Variants in FHIT observed in about 807,000 individuals in gnomAD.
FHIT encodes the protein bis(5'-adenosyl)-triphosphatase.
FHIT carries 19 observed loss-of-function variants against 17.9 expected under a neutral mutation model. The observed-to-expected ratio is 1.06, with a 90% CI of 0.74 to 1.56. The LOEUF is 1.56. FHIT is among the 40% of genes most tolerant of loss of function. The pLI, the probability that FHIT is intolerant of heterozygous loss-of-function variation, is 0.00. For synonymous variants in FHIT, 81 were observed against 69.7 expected (o/e 1.16, Z -0.81); for missense variants, 248 against 189.2 (o/e 1.31, Z -1.82).
At chr3:59,753,403 G>C (rs1384563136) in intron 8 of FHIT, among the ~76,000 whole-genome samples, 1 of 152,150 alleles carries the variant, frequency 6.6e-6, no homozygotes, top group Non-Finnish European at 1.5e-5. Flanking sequence ...TTTACATATA[G>C]AGTGAATACA....
intron 5 of FHIT, among the ~76,000 whole-genome samples, chr3:60,456,117 A>G (rs979481626): frequency 7.2e-5 from 11 of 152,306 alleles, no homozygotes; most frequent in African/African-American, 2.6e-4. Flanking sequence ...ATTAATCCAC[A>G]TCTGATCACA....
intron 7 of FHIT, among the ~76,000 whole-genome samples, chr3:59,961,706 C>A (rs539976843): frequency 6.6e-6 from 1 of 152,178 alleles, no homozygotes; most frequent in Non-Finnish European, 1.5e-5. Flanking sequence ...TGAGGCGACA[C>A]CCCACCCTGC....
At chr3:60,510,155 A>C (rs2034893748) in intron 5 of FHIT, among the ~76,000 whole-genome samples, 2 of 152,194 alleles carry the variant, frequency 1.3e-5, no homozygotes, top group Non-Finnish European at 2.9e-5. Flanking sequence ...GAACACAGGA[A>C]ACCAATGGTA....
At chr3:61,003,643 T>C (rs1161649840) in intron 3 of FHIT, among the ~76,000 whole-genome samples, 1 of 152,236 alleles carries the variant, frequency 6.6e-6, no homozygotes, top group African/African-American at 2.4e-5. Flanking sequence ...AAGCTTTCAA[T>C]GTAAGAAATA....
At chr3:60,926,641 A>G (rs1209272495) in intron 3 of FHIT, among the ~76,000 whole-genome samples, 6 of 152,348 alleles carry the variant, frequency 3.9e-5, no homozygotes, top group African/African-American at 1.4e-4. Flanking sequence ...ATCACAATTA[A>G]AAGAACTAGA....
intron 4 of FHIT, among the ~76,000 whole-genome samples, chr3:60,596,448 A>G (rs1262672751): frequency 6.6e-6 from 1 of 152,024 alleles, no homozygotes; most frequent in African/African-American, 2.4e-5. Flanking sequence ...TCCCTCTTTT[A>G]TCATCCCTCA....
rs72884776 is a variant in FHIT, at chr3:59,753,520, T to C, written c.349-1199A>G. On this transcript the variant is annotated intron_variant, in intron 8 of 9. Coordinates refer to ENST00000492590, the MANE Select transcript of FHIT (RefSeq NM_002012.4). ...ATTCAATTTCATTAACTAAATTTAT[T>C]GTTCCTGTGTGTGGCTCTATACATT... Among the ~76,000 whole-genome samples, 1,418 of 152,278 alleles carry C rather than the reference T, an allele frequency of 9.3e-3. 28 individuals carry two copies. Among genetic ancestry groups the C allele is most frequent in the African/African-American group, 0.033 (1,353 of 41,562 alleles).
At chr3:60,795,501 G>GTT (rs1201711350) in intron 4 of FHIT, among the ~76,000 whole-genome samples, 2 of 118,306 alleles carry the variant, frequency 1.7e-5, no homozygotes, top group Non-Finnish European at 1.8e-5. Flanking sequence ...TTTTTCCTTT[G>GTT]TTTTTTGTTT....
intron 7 of FHIT, among the ~76,000 whole-genome samples, chr3:60,004,999 G>A (rs530431671): frequency 6.6e-6 from 1 of 152,262 alleles, no homozygotes; most frequent in African/African-American, 2.4e-5. Context: ...ATGTGGGGGA[G>A]CTCAGAAAGG....
chr3:60,913,358 T>A (rs1706839511), intron 3 of FHIT, among the ~76,000 whole-genome samples: 1 of 152,196 alleles, frequency 6.6e-6, no homozygotes, highest in South Asian at 2.1e-4. Flanking sequence ...GCTTGCCTGT[T>A]TTCACCCATG....
At chr3:59,991,759 C>A (rs1412583083) in intron 7 of FHIT, among the ~76,000 whole-genome samples, 1 of 152,054 alleles carries the variant, frequency 6.6e-6, no homozygotes, top group South Asian at 2.1e-4. Context: ...ATCCTCTTCA[C>A]ACAGCCATAT....
At chr3:60,685,611 C>T (rs2040845015) in intron 4 of FHIT, among the ~76,000 whole-genome samples, 1 of 152,180 alleles carries the variant, frequency 6.6e-6, no homozygotes, top group Admixed American at 6.5e-5. Flanking sequence ...CTGCACACTT[C>T]TCTTCATTCT....
chr3:60,719,888 C>T (rs1295838588), intron 4 of FHIT, among the ~76,000 whole-genome samples: 14 of 152,282 alleles, frequency 9.2e-5, no homozygotes, highest in Non-Finnish European at 1.0e-4. Flanking sequence ...GTTCTCATTT[C>T]TCTCCAGATC....
intron 3 of FHIT, among the ~76,000 whole-genome samples, chr3:61,007,615 T>C (rs1301043090): frequency 6.6e-6 from 1 of 152,230 alleles, no homozygotes; most frequent in African/African-American, 2.4e-5. Flanking sequence ...GCTTTCTCAC[T>C]CTGACACAAA....
At chr3:60,984,341 T>C (rs1286562122) in intron 3 of FHIT, among the ~76,000 whole-genome samples, 1 of 152,210 alleles carries the variant, frequency 6.6e-6, no homozygotes, top group Non-Finnish European at 1.5e-5. Flanking sequence ...TCTTAAGCTT[T>C]GACATTAATT....
At chr3:60,835,197 T>A (rs1442586979) in intron 3 of FHIT, among the ~76,000 whole-genome samples, 2 of 152,146 alleles carry the variant, frequency 1.3e-5, no homozygotes, top group African/African-American at 4.8e-5. Context: ...CAAAATTGTT[T>A]TAGCTACTCT....
At chr3:60,581,139 C>T (rs1273136168) in intron 4 of FHIT, among the ~76,000 whole-genome samples, 1 of 152,096 alleles carries the variant, frequency 6.6e-6, no homozygotes, top group Non-Finnish European at 1.5e-5. Flanking sequence ...CTCGCACACA[C>T]ATTATTTCTA....
intron 5 of FHIT, among the ~76,000 whole-genome samples, chr3:60,097,595 TA>T (rs967963267): frequency 6.6e-6 from 1 of 152,180 alleles, no homozygotes; most frequent in Non-Finnish European, 1.5e-5. Flanking sequence ...GTGAAGACGA[TA>T]AGGATGAAAA....
intron 5 of FHIT, among the ~76,000 whole-genome samples, chr3:60,041,864 T>C (rs1701453005): frequency 6.6e-6 from 1 of 152,260 alleles, no homozygotes; most frequent in Non-Finnish European, 1.5e-5. Context: ...ACCAAAAATC[T>C]ATTTAAAAAA....
Sources: allele counts gnomAD v4.1 joint callset (sites outside exome capture counted in the v4.1 genomes callset), GRCh38; gene constraint gnomAD v4.1.1; transcripts MANE v1.5; gene names NCBI Gene and HGNC (gene_info 2026-07-23, HGNC 2026-07-21).